GABRA4: variants seen among roughly 807,000 people sequenced by gnomAD.
GABRA4 encodes gamma-aminobutyric acid type A receptor subunit alpha4, also known as gamma-aminobutyric acid receptor subunit alpha-4.
Under a neutral mutation model 49.7 loss-of-function variants are expected in GABRA4, and 12 were observed. The observed-to-expected ratio is 0.24, with a 90% CI of 0.15 to 0.39. GABRA4 has a LOEUF of 0.39. Ranked by LOEUF, GABRA4 falls within the 10% of genes least tolerant of loss-of-function variation. The pLI, the probability that GABRA4 is intolerant of heterozygous loss-of-function variation, is 1.00. For missense variants in GABRA4, 506 were observed against 686.0 expected, an observed-to-expected ratio of 0.74 and a Z score of 2.93; for synonymous variants, 288 against 240.2, an observed-to-expected ratio of 1.20 and a Z score of -1.84.
At chr4:46,969,131 T>C (rs747750253) in intron 7 of GABRA4, among the ~76,000 whole-genome samples, 1 of 151,562 alleles carries the variant, frequency 6.6e-6, no homozygotes, top group Non-Finnish European at 1.5e-5. Context: ...AGCTAATAAG[T>C]GATAGTCCCT....
intron 8 of GABRA4, among the ~76,000 whole-genome samples, chr4:46,954,842 A>C (rs564986783): frequency 6.6e-6 from 1 of 152,258 alleles, no homozygotes; most frequent in Non-Finnish European, 1.5e-5. Flanking sequence ...TTCTGATGCC[A>C]AACAGGCAGG....
chr4:46,951,416 GT>G (rs2109358391), intron 8 of GABRA4, among the ~76,000 whole-genome samples: 1 of 151,822 alleles, frequency 6.6e-6, no homozygotes, highest in Admixed American at 6.6e-5. Flanking sequence ...TGGTCTTCAA[GT>G]TCATACTCTT....
chr4:46,992,594 G>A (rs913016752), intron 2 of GABRA4: 11 of 531,634 alleles, frequency 2.1e-5, no homozygotes, highest in Admixed American at 9.3e-5. Context: ...GTCAGGTCCC[G>A]GGAGGTAATT....
intron 2 of GABRA4, among the ~76,000 whole-genome samples, chr4:46,981,666 G>T (rs1723361840): frequency 6.6e-6 from 1 of 152,080 alleles, no homozygotes; most frequent in South Asian, 2.1e-4. Flanking sequence ...GAGCTAAGGT[G>T]CCATTAGGGC....
chr4:46,982,264 G>A (rs780614829), intron 2 of GABRA4, among the ~76,000 whole-genome samples: 7 of 152,156 alleles, frequency 4.6e-5, no homozygotes, highest in Non-Finnish European at 8.8e-5. Context: ...ACTTCAGAAT[G>A]TGACCATATT....
At chr4:46,980,720 C>T (rs1441810396) in intron 2 of GABRA4, among the ~76,000 whole-genome samples, 1 of 151,964 alleles carries the variant, frequency 6.6e-6, no homozygotes, top group Non-Finnish European at 1.5e-5. Context: ...GTAATAAGCT[C>T]ATTAATGTCA....
At chr4:46,991,684 A>G (rs1291778194) in intron 2 of GABRA4, among the ~76,000 whole-genome samples, 1 of 125,578 alleles carries the variant, frequency 8.0e-6, no homozygotes, top group Non-Finnish European at 1.8e-5. Flanking sequence ...CTCTGGGTTT[A>G]CATCCTTCTC....
chr4:46,993,288 G>A, intron 1 of GABRA4, 51 bp downstream of exon 1: 1 of 1,497,250 alleles, frequency 6.7e-7, no homozygotes, highest in Non-Finnish European at 9.3e-7. Flanking sequence ...CCCGGAGCTA[G>A]CCATTTCTCC....
intron 8 of GABRA4, among the ~76,000 whole-genome samples, chr4:46,947,459 T>A (rs1722020738): frequency 6.6e-6 from 1 of 151,928 alleles, no homozygotes; most frequent in South Asian, 2.1e-4. Flanking sequence ...TATTCCAGTT[T>A]AAAATGGCCT....
intron 8 of GABRA4, among the ~76,000 whole-genome samples, chr4:46,933,714 ATGT>A (rs1368873323): frequency 6.6e-6 from 1 of 152,144 alleles, no homozygotes; most frequent in Non-Finnish European, 1.5e-5. Context: ...TGTCAGAGTG[ATGT>A]TGTGTTTCGT....
At chr4:46,979,623 CA>C (rs1723279677) in intron 2 of GABRA4, among the ~76,000 whole-genome samples, 1 of 152,060 alleles carries the variant, frequency 6.6e-6, no homozygotes, top group African/African-American at 2.4e-5. Context: ...GGATCAAAGA[CA>C]AACTTTCTTA....
Position 46,993,491 on chromosome 4 carries a change from G to T in GABRA4, c.-67C>A. 1 of 1,525,610 alleles carries T rather than the reference G, an allele frequency of 6.6e-7. No homozygotes were observed. The highest frequency in any genetic ancestry group is 9.1e-7 in the Non-Finnish European group (1 of 1,101,440). The allele number at this position is 1,525,610 out of a possible 1,614,324, so 94.5% of individuals were successfully genotyped here. On this transcript the variant is annotated 5_prime_UTR_variant, in exon 1 of 9. Transcript: ENST00000264318. ...GCTCTTCAGATGCCCTGAGCAGGGT[G>T]CGAGGAGAGGGCAGAGAGGCTCCCG...
intron 5 of GABRA4, among the ~76,000 whole-genome samples, chr4:46,974,582 C>A (rs1051305094): frequency 1.3e-5 from 2 of 151,864 alleles, no homozygotes; most frequent in Non-Finnish European, 2.9e-5. Context: ...AATACCCCTG[C>A]AACTCAACAG....
chr4:46,967,728 T>A (rs1047290939), intron 7 of GABRA4, among the ~76,000 whole-genome samples: 1 of 151,772 alleles, frequency 6.6e-6, no homozygotes, highest in African/African-American at 2.4e-5. Flanking sequence ...AGCCATATTT[T>A]AAAAAATATA....
chr4:46,928,935 C>T (rs922231426), intron 8 of GABRA4, among the ~76,000 whole-genome samples, 180 bp from the exon 9 acceptor site: 3 of 151,962 alleles, frequency 2.0e-5, no homozygotes, highest in Admixed American at 6.6e-5. Flanking sequence ...AATGTGCATA[C>T]ATTTGAAACT....
chr4:46,964,834 C>T (rs1332927239), intron 8 of GABRA4, 136 bp downstream of exon 8: 10 of 957,668 alleles, frequency 1.0e-5, no homozygotes, highest in East Asian at 5.2e-5. Context: ...CATACAGTTA[C>T]TTTTATGTTT....
At chr4:46,944,361 C>T (rs1307127869) in intron 8 of GABRA4, among the ~76,000 whole-genome samples, 1 of 152,066 alleles carries the variant, frequency 6.6e-6, no homozygotes, top group Non-Finnish European at 1.5e-5. Flanking sequence ...AGGCTTGTCC[C>T]CCACATACTT....
In GABRA4 at chr4:46,923,305, C is replaced by T. The variant is rs1721101362; in HGVS notation, c.*4920G>A. ...AGCACCATCCAAATTTCAACAATTTCTTCAGTTTTACCCTCCAATTTTAAT... is the reference window on the plus strand; with the variant it reads ...AGCACCATCCAAATTTCAACAATTTTTTCAGTTTTACCCTCCAATTTTAAT... On this transcript the variant is annotated 3_prime_UTR_variant, in exon 9 of 9. Transcript: ENST00000264318. The T allele has an allele frequency of 6.6e-6, 1 of 151,956 alleles. No individual in the cohort carries two copies. The highest frequency in any genetic ancestry group is 1.5e-5 in the Non-Finnish European group (1 of 67,986). 9.4% of individuals were successfully genotyped at this position (151,956 alleles called of 1,614,324 possible). A position where few individuals can be genotyped will look rare whatever the true frequency, so the allele number is the denominator to read the frequency against.
intron 8 of GABRA4, among the ~76,000 whole-genome samples, chr4:46,957,247 A>C (rs761195335): frequency 6.7e-6 from 1 of 148,438 alleles, no homozygotes; most frequent in Non-Finnish European, 1.5e-5. Context: ...CCCAAAAGAA[A>C]ATAAGGCTAC....
Sources: gnomAD v4.1 joint callset for allele counts (sites outside exome capture counted in the v4.1 genomes callset) on GRCh38, gnomAD v4.1.1 for gene constraint, MANE v1.5 for transcripts, NCBI Gene and HGNC (gene_info 2026-07-23, HGNC 2026-07-21) for gene names.